Variants in FAM227A observed in about 807,000 individuals in gnomAD.
FAM227A encodes the protein protein FAM227A.
A neutral mutation model predicts 74.7 loss-of-function variants in FAM227A; 80 were observed. The observed-to-expected ratio is 1.07, with a 90% CI of 0.89 to 1.29. The LOEUF (loss-of-function observed/expected upper bound fraction) is 1.29, where lower values mean the gene tolerates loss of function less well. FAM227A is among the 50% of genes most tolerant of loss of function. The pLI is 0.00. For missense variants in FAM227A, 654 were observed against 683.4 expected, an observed-to-expected ratio of 0.96 and a Z score of 0.48; for synonymous variants, 237 against 241.8, an observed-to-expected ratio of 0.98 and a Z score of 0.19.
rs181037099 is a variant in FAM227A, at chr22:38,613,717, T to C, written c.1039-6241A>G. Among the ~76,000 whole-genome samples, 365 of 152,146 alleles carry C rather than the reference T, an allele frequency of 2.4e-3. 4 individuals carry two copies. The highest frequency in any genetic ancestry group is 8.7e-3 in the African/African-American group (361 of 41,494). The stretch of plus-strand genomic sequence containing the variant: ...ACCCTTGTATAATATGATTAAGAGC[T>C]AATGTTTATTGAGTTCTTACTCTGT... On this transcript the variant is annotated intron_variant, in intron 11 of 16. Coordinates refer to ENST00000535113, the MANE Select transcript of FAM227A (RefSeq NM_001013647.2).
intron 11 of FAM227A, among the ~76,000 whole-genome samples, chr22:38,619,510 G>T (rs1027349829): frequency 7.9e-5 from 12 of 152,248 alleles, no homozygotes; most frequent in African/African-American, 2.9e-4. Flanking sequence ...TTTTAGTAGA[G>T]ACGAGGTTTC....
At chr22:38,654,880 G>C (rs964453211) in intron 1 of FAM227A, among the ~76,000 whole-genome samples, 1 of 151,466 alleles carries the variant, frequency 6.6e-6, no homozygotes, top group Non-Finnish European at 1.5e-5. Context: ...CCCAGGAGGC[G>C]GAGCTTGCAG....
At chr22:38,599,742 C>T (rs1413761918) in intron 14 of FAM227A, 22 bp downstream of exon 14, 2 of 1,546,314 alleles carry the variant, frequency 1.3e-6, no homozygotes, top group African/African-American at 2.7e-5. Context: ...AGTGCGCACC[C>T]TGCCCACAGT....
intron 15 of FAM227A, among the ~76,000 whole-genome samples, chr22:38,591,873 C>T (rs911697950): frequency 6.6e-5 from 10 of 152,152 alleles, no homozygotes; most frequent in South Asian, 2.1e-4. Context: ...TTTAAGGCAC[C>T]GCTTTTATCT....
At chr22:38,629,926 C>T (rs1469663746) in intron 6 of FAM227A, among the ~76,000 whole-genome samples, 2 of 137,714 alleles carry the variant, frequency 1.5e-5, no homozygotes, top group Non-Finnish European at 3.1e-5. Context: ...CTCTTCTTTA[C>T]CATCCATCAC....
In FAM227A at chr22:38,639,647, G is replaced by GTTT; in HGVS notation, c.295+5_295+7dup. On this transcript the variant is annotated splice_region_variant and intron_variant, in intron 4 of 16. Transcript: ENST00000535113. ...AAAGAGCATCAAGGCTGAGGGAAAG[G>GTTT]TTTTTGCCTTTGTCTTCTGGACTGC... The GTTT allele has an allele frequency of 6.4e-7, 1 of 1,551,710 alleles. No individual in the cohort carries two copies. Among genetic ancestry groups the GTTT allele is most frequent in the Non-Finnish European group, 8.7e-7 (1 of 1,146,912 alleles).
At chr22:38,630,720 A>G (rs1252185717) in intron 6 of FAM227A, among the ~76,000 whole-genome samples, 2 of 152,212 alleles carry the variant, frequency 1.3e-5, no homozygotes, top group Non-Finnish European at 2.9e-5. Flanking sequence ...GCTCAAGATG[A>G]TGCCATAGAC....
At chr22:38,647,362 G>A (rs560170750) in intron 2 of FAM227A, among the ~76,000 whole-genome samples, 8 of 152,052 alleles carry the variant, frequency 5.3e-5, no homozygotes, top group South Asian at 4.2e-4. Context: ...CTACTTGAGC[G>A]CTGAGGCAGG....
At chr22:38,619,140 A>C (rs2091634780) in intron 11 of FAM227A, among the ~76,000 whole-genome samples, 1 of 152,036 alleles carries the variant, frequency 6.6e-6, no homozygotes. Context: ...ACAGAAAGGG[A>C]GTGTGGTATA....
intron 3 of FAM227A, among the ~76,000 whole-genome samples, chr22:38,643,639 T>C (rs2092164299): frequency 6.6e-6 from 1 of 152,102 alleles, no homozygotes; most frequent in Non-Finnish European, 1.5e-5. Context: ...CTAGCAATTG[T>C]GCTCCCTGGT....
chr22:38,655,184 G>A (rs1277995279), intron 1 of FAM227A, among the ~76,000 whole-genome samples: 1 of 149,190 alleles, frequency 6.7e-6, no homozygotes, highest in African/African-American at 2.5e-5. Flanking sequence ...AGCAATAAAA[G>A]AATGGCTACT....
intron 13 of FAM227A, among the ~76,000 whole-genome samples, chr22:38,602,391 T>A (rs757180505): frequency 6.6e-6 from 1 of 152,144 alleles, no homozygotes; most frequent in Non-Finnish European, 1.5e-5. Flanking sequence ...GAACCACTAT[T>A]CTAACAGCAA....
chr22:38,578,682 T>G lies in FAM227A; in HGVS notation c.*7443A>C, dbSNP rs2090681779. The stretch of plus-strand genomic sequence containing the variant: ...ATGCAGCTGGGAACCAAGCAGAGGC[T>G]CTCTCTGGGGTTGCGGGGATGGTGG... On this transcript the variant is annotated 3_prime_UTR_variant, in exon 17 of 17. Transcript: ENST00000535113. 6.6e-6 allele frequency: 1 copy of G among 152,158 alleles called. No individual in the cohort carries two copies. Among genetic ancestry groups the G allele is most frequent in the Non-Finnish European group, 1.5e-5 (1 of 68,132 alleles). The allele number at this position is 152,158 out of a possible 1,614,324, so 9.4% of individuals were successfully genotyped here. A position where few individuals can be genotyped will look rare whatever the true frequency, so the allele number is the denominator to read the frequency against.
chr22:38,632,814 TAAC>T (rs1167655532), intron 6 of FAM227A, among the ~76,000 whole-genome samples: 1 of 152,148 alleles, frequency 6.6e-6, no homozygotes, highest in Non-Finnish European at 1.5e-5. Context: ...GGTCATCTAA[TAAC>T]AACAGAAACA....
intron 11 of FAM227A, among the ~76,000 whole-genome samples, chr22:38,612,483 C>T (rs1296523650): frequency 6.6e-6 from 1 of 152,166 alleles, no homozygotes; most frequent in East Asian, 1.9e-4. Context: ...TGGCTGACTC[C>T]TCATCTCTTG....
intron 2 of FAM227A, 142 bp from the exon 3 acceptor site, chr22:38,645,787 C>A: frequency 5.1e-6 from 3 of 592,750 alleles, no homozygotes; most frequent in Non-Finnish European, 8.7e-6. Context: ...TTTCACATTT[C>A]TTTCTTCCTT....
intron 9 of FAM227A, among the ~76,000 whole-genome samples, chr22:38,623,835 T>C (rs562138674): frequency 6.6e-6 from 1 of 152,220 alleles, no homozygotes; most frequent in East Asian, 1.9e-4. Flanking sequence ...ATGTTTAACA[T>C]GATCACACTT....
chr22:38,605,093 G>C (rs2091256556), intron 13 of FAM227A, among the ~76,000 whole-genome samples, 161 bp downstream of exon 13: 1 of 152,140 alleles, frequency 6.6e-6, no homozygotes, highest in Admixed American at 6.5e-5. Flanking sequence ...AACTATCTCA[G>C]AGGACTGTGA....
Position 38,605,287 on chromosome 22 carries a change from T to G in FAM227A, c.1188A>C (p.Glu396Asp), listed in dbSNP as rs1245808000. 34 of 1,550,900 alleles carry G rather than the reference T, an allele frequency of 2.2e-5. No homozygotes were observed. Among genetic ancestry groups the G allele is most frequent in the Non-Finnish European group, 2.9e-5 (33 of 1,145,832 alleles). The part of the protein sequence containing the change: ...KPTQEVKRIS[E>D]ARECENMFPK... ...GAAACATATTCTCACATTCTCTTGC[T>G]TCTGATATCCTCTTGACTTCTTGCG... The change falls in exon 13 of 17, where the codon GAA (glutamate) becomes GAC (aspartate). Residue 396 changes from glutamate to aspartate, a missense_variant. Coordinates refer to ENST00000535113, the MANE Select transcript of FAM227A (RefSeq NM_001013647.2).
Sources: gnomAD v4.1 joint callset for allele counts (sites outside exome capture counted in the v4.1 genomes callset) on GRCh38, gnomAD v4.1.1 for gene constraint, MANE v1.5 for transcripts, NCBI Gene and HGNC (gene_info 2026-07-23, HGNC 2026-07-21) for gene names.